R3HCC1L: variants seen among roughly 807,000 people sequenced by gnomAD.
The protein encoded by R3HCC1L is coiled-coil domain-containing protein R3HCC1L.
R3HCC1L carries 51 observed loss-of-function variants against 59.9 expected under a neutral mutation model. The ratio of observed to expected loss-of-function variants is 0.85; its 90% confidence interval spans 0.68 to 1.07. The LOEUF is 1.07. Ranked by LOEUF, R3HCC1L falls within the 50% of genes least tolerant of loss-of-function variation. The pLI is 0.00. For missense variants in R3HCC1L, 965 were observed against 933.0 expected, an observed-to-expected ratio of 1.03 and a Z score of -0.45; for synonymous variants, 322 against 315.2, an observed-to-expected ratio of 1.02 and a Z score of -0.23.
intron 4 of R3HCC1L, among the ~76,000 whole-genome samples, chr10:98,166,483 A>G (rs140033914): frequency 6.9e-4 from 105 of 152,224 alleles, no homozygotes; most frequent in Non-Finnish European, 1.3e-3. Context: ...TCCACTTGTA[A>G]TATCTCCCCT....
intron 1 of R3HCC1L, among the ~76,000 whole-genome samples, chr10:98,152,474 C>T (rs1177721159): frequency 7.3e-6 from 1 of 136,836 alleles, no homozygotes; most frequent in Non-Finnish European, 1.7e-5. Flanking sequence ...TGAGGAGCGC[C>T]TCTTCCCGGC....
chr10:98,139,371 A>G (rs1844906937), intron 1 of R3HCC1L, among the ~76,000 whole-genome samples: 1 of 152,238 alleles, frequency 6.6e-6, no homozygotes, highest in Admixed American at 6.5e-5. Flanking sequence ...CAACCCCAGT[A>G]ACCTAAGCTT....
At chr10:98,136,969 G>T (rs1378520520) in intron 1 of R3HCC1L, among the ~76,000 whole-genome samples, 3 of 152,152 alleles carry the variant, frequency 2.0e-5, no homozygotes, top group Non-Finnish European at 4.4e-5. Context: ...CTGGCACTTT[G>T]GGAGGCCGAC....
chr10:98,153,015 G>A (rs981225841), intron 1 of R3HCC1L, among the ~76,000 whole-genome samples: 1 of 150,704 alleles, frequency 6.6e-6, no homozygotes, highest in Admixed American at 6.6e-5. Context: ...CCGCCCGGCC[G>A]CCGCCCCGTC....
At chr10:98,189,310 C>T (rs913224174) in intron 4 of R3HCC1L, among the ~76,000 whole-genome samples, 6 of 152,126 alleles carry the variant, frequency 3.9e-5, no homozygotes, top group African/African-American at 1.4e-4. Flanking sequence ...GTGAGGACAG[C>T]ATTTCACAAT....
intron 1 of R3HCC1L, among the ~76,000 whole-genome samples, chr10:98,147,194 C>A (rs1485283384): frequency 1.3e-5 from 2 of 152,076 alleles, no homozygotes; most frequent in East Asian, 3.9e-4. Flanking sequence ...TACCTGTTGG[C>A]CGTTTGAATG....
intron 1 of R3HCC1L, among the ~76,000 whole-genome samples, chr10:98,148,787 A>G (rs192137044): frequency 1.1e-4 from 16 of 152,206 alleles, no homozygotes; most frequent in Admixed American, 1.0e-3. Context: ...TTGATCTTCT[A>G]GTATTTTTAC....
At chr10:98,224,312 GT>G (rs564211015) in intron 5 of R3HCC1L, among the ~76,000 whole-genome samples, 4 of 151,766 alleles carry the variant, frequency 2.6e-5, no homozygotes, top group Non-Finnish European at 5.9e-5. Flanking sequence ...AGAATTTCTT[GT>G]TTTTTTCCTT....
chr10:98,138,946 G>A (rs1334151252), intron 1 of R3HCC1L, among the ~76,000 whole-genome samples: 2 of 152,206 alleles, frequency 1.3e-5, no homozygotes, highest in African/African-American at 4.8e-5. Context: ...GATTGGGGTG[G>A]TGTTGTTATT....
chr10:98,153,009 C>T (rs1365933747), intron 1 of R3HCC1L, among the ~76,000 whole-genome samples: 4 of 150,228 alleles, frequency 2.7e-5, no homozygotes, highest in African/African-American at 9.8e-5. Context: ...CCGCCTCCGC[C>T]CGGCCGCCGC....
intron 5 of R3HCC1L, among the ~76,000 whole-genome samples, chr10:98,221,296 G>T (rs372891128): frequency 4.0e-5 from 6 of 151,490 alleles, no homozygotes; most frequent in East Asian, 3.9e-4. Context: ...GTCAGATGAG[G>T]AGGTTGCGAA....
In R3HCC1L at chr10:98,209,027, A is replaced by G. The variant is rs548513226; in HGVS notation, c.913A>G (p.Thr305Ala). 27 of 1,613,882 alleles carry G rather than the reference A, an allele frequency of 1.7e-5. No individual in the cohort carries two copies. The highest frequency in any genetic ancestry group is 2.3e-5 in the Non-Finnish European group (27 of 1,179,760). ...STGFILDQKDTDSIPATMGHI... is the reference protein window; with the variant it reads ...STGFILDQKDADSIPATMGHI... ...AGGTTTCATCTTAGATCAAAAAGAT[A>G]CAGATTCCATTCCTGCAACTATGGG... is the stretch of plus-strand genomic sequence containing the variant. The change falls in exon 5 of 10, where the codon ACA (threonine) becomes GCA (alanine). Residue 305 changes from threonine to alanine, a missense_variant. Transcript: ENST00000298999.
rs559721769 is a variant in R3HCC1L at position 98,208,019 on chromosome 10, T to C, written c.-14-82T>C. The C allele has an allele frequency of 7.8e-4, 1,019 of 1,299,658 alleles. 1 individual carries two copies. The highest frequency in any genetic ancestry group is 1.0e-3 in the Non-Finnish European group (981 of 962,476). The allele number at this position is 1,299,658 out of a possible 1,614,324, so 80.5% of individuals were successfully genotyped here. ...TAGCCTGGGTGACAGTGTGAGACTC[T>C]GTCCCAAAAAGAAAAAAGAAAATAT... On this transcript the variant is annotated intron_variant, in intron 4 of 9. Transcript: ENST00000298999.
chr10:98,239,799 G>C (rs1857337278), intron 9 of R3HCC1L, among the ~76,000 whole-genome samples: 1 of 152,116 alleles, frequency 6.6e-6, no homozygotes, highest in African/African-American at 2.4e-5. Context: ...CCAGGCATAA[G>C]GAATCCTTCC....
chr10:98,228,277 A>G (rs1432861955), intron 5 of R3HCC1L, among the ~76,000 whole-genome samples: 4 of 152,178 alleles, frequency 2.6e-5, no homozygotes. Context: ...TTGCCATTCT[A>G]ACTGGTGTGA....
chr10:98,195,969 A>G (rs550445534), intron 4 of R3HCC1L, among the ~76,000 whole-genome samples: 134 of 152,328 alleles, frequency 8.8e-4, no homozygotes, highest in African/African-American at 3.1e-3. Flanking sequence ...TTAATACTGA[A>G]CTTTGCTAAG....
intron 6 of R3HCC1L, among the ~76,000 whole-genome samples, chr10:98,234,203 T>C (rs138753793): frequency 7.9e-4 from 121 of 152,322 alleles, no homozygotes; most frequent in African/African-American, 2.8e-3. Context: ...AATTAGTTGA[T>C]GTCTATAAAA....
chr10:98,215,404 ATTT>A (rs67887074), intron 5 of R3HCC1L, among the ~76,000 whole-genome samples: 1 of 151,732 alleles, frequency 6.6e-6, no homozygotes, highest in Non-Finnish European at 1.5e-5. Context: ...TTAGACATAA[ATTT>A]TTTTTTATCA....
At chr10:98,181,715 C>G (rs1406747925) in intron 4 of R3HCC1L, among the ~76,000 whole-genome samples, 1 of 152,128 alleles carries the variant, frequency 6.6e-6, no homozygotes, top group Non-Finnish European at 1.5e-5. Context: ...TTGTTCATTT[C>G]TTTTTACTCG....
Sources: allele counts gnomAD v4.1 joint callset (sites outside exome capture counted in the v4.1 genomes callset), GRCh38; gene constraint gnomAD v4.1.1; transcripts MANE v1.5; gene names NCBI Gene and HGNC (gene_info 2026-07-23, HGNC 2026-07-21).